Variants in CTNNA1 observed in about 807,000 individuals in gnomAD.
CTNNA1 encodes catenin alpha-1.
CTNNA1 carries 37 observed loss-of-function variants against 98.4 expected under a neutral mutation model. That is an observed-to-expected ratio of 0.38 (90% CI 0.29 to 0.49). The LOEUF is 0.49. Ranked by LOEUF, CTNNA1 falls within the 20% of genes least tolerant of loss-of-function variation. The pLI is 0.95. For synonymous variants in CTNNA1, 404 were observed against 413.2 expected, an observed-to-expected ratio of 0.98 and a Z score of 0.27; for missense variants, 761 against 1,147.2, an observed-to-expected ratio of 0.66 and a Z score of 4.86.
intron 11 of CTNNA1, among the ~76,000 whole-genome samples, chr5:138,919,693 C>A (rs1165550001): frequency 6.6e-6 from 1 of 152,180 alleles, no homozygotes; most frequent in Admixed American, 6.5e-5. Context: ...TGGAACAATT[C>A]TTTCAGTCAA....
chr5:138,778,873 A>C (rs901879299), intron 1 of CTNNA1, among the ~76,000 whole-genome samples: 2 of 151,908 alleles, frequency 1.3e-5, no homozygotes, highest in Admixed American at 6.6e-5. Flanking sequence ...TGAGGGATCT[A>C]GTTCAAAGTT....
intron 1 of CTNNA1, 29 bp from the exon 2 acceptor site, chr5:138,781,894 G>C: frequency 6.4e-7 from 1 of 1,560,740 alleles, no homozygotes; most frequent in Non-Finnish European, 8.6e-7. Context: ...TTTGATGTTT[G>C]CCTGACTGAC....
intron 11 of CTNNA1, 102 bp from the exon 12 acceptor site, chr5:138,924,408 T>C: frequency 8.6e-7 from 1 of 1,160,660 alleles, no homozygotes; most frequent in Non-Finnish European, 1.2e-6. Context: ...TTCAGCACTG[T>C]GGCTGGCACC....
intron 7 of CTNNA1, among the ~76,000 whole-genome samples, chr5:138,845,957 C>T (rs535936839): frequency 3.3e-5 from 5 of 151,822 alleles, no homozygotes; most frequent in East Asian, 1.9e-4. Flanking sequence ...GACAGATTCT[C>T]GCTGTCTGGC....
intron 10 of CTNNA1, among the ~76,000 whole-genome samples, chr5:138,910,239 T>C (rs1387968920): frequency 2.1e-5 from 3 of 144,772 alleles, no homozygotes; most frequent in Non-Finnish European, 4.5e-5. Context: ...TTTTTTTTTT[T>C]TTTTTTTTTT....
chr5:138,914,550 G>A (rs969750367), intron 10 of CTNNA1, among the ~76,000 whole-genome samples: 5 of 152,038 alleles, frequency 3.3e-5, no homozygotes, highest in African/African-American at 4.8e-5. Context: ...CCCTGTGCCT[G>A]TGAATCTATA....
intron 3 of CTNNA1, among the ~76,000 whole-genome samples, chr5:138,789,166 A>T (rs558417657): frequency 8.0e-6 from 1 of 125,550 alleles, no homozygotes; most frequent in East Asian, 2.6e-4. Flanking sequence ...TCTAGCACAT[A>T]GGAGGCTGTT....
chr5:138,837,008 C>T (rs1421012037), intron 7 of CTNNA1, among the ~76,000 whole-genome samples: 1 of 152,120 alleles, frequency 6.6e-6, no homozygotes, highest in Non-Finnish European at 1.5e-5. Flanking sequence ...TAATCATACA[C>T]CGTGTTCATT....
chr5:138,787,551 A>G (rs1033884915), intron 3 of CTNNA1, among the ~76,000 whole-genome samples: 1 of 152,258 alleles, frequency 6.6e-6, no homozygotes, highest in Non-Finnish European at 1.5e-5. Context: ...GAAAAATTAC[A>G]GGCTATAGTT....
At chr5:138,925,957 A>G (rs1763924725) in intron 13 of CTNNA1, among the ~76,000 whole-genome samples, 2 of 152,086 alleles carry the variant, frequency 1.3e-5, no homozygotes, top group South Asian at 4.1e-4. Context: ...CCTCTATGGC[A>G]TCTGTGATTG....
chr5:138,924,507 C>T lies in CTNNA1; in HGVS notation c.1547-3C>T, dbSNP rs1325130114. Reference sequence around the variant, plus strand: ...CTCATTCAACTTTTTGCTTGTTCTCCAGAGAATCACATTTTGGAAGATGTG... The same window carrying T: ...CTCATTCAACTTTTTGCTTGTTCTCTAGAGAATCACATTTTGGAAGATGTG... On this transcript the variant is annotated splice_region_variant and splice_polypyrimidine_tract_variant and intron_variant, in intron 11 of 17. Transcript: ENST00000302763. The T allele has an allele frequency of 6.8e-6, 11 of 1,613,984 alleles. No homozygotes were observed. The highest frequency in any genetic ancestry group is 1.7e-5 in the Admixed American group (1 of 60,000).
intron 4 of CTNNA1, among the ~76,000 whole-genome samples, chr5:138,810,556 C>A (rs966933708): frequency 7.2e-5 from 11 of 151,908 alleles, no homozygotes; most frequent in Non-Finnish European, 1.0e-4. Flanking sequence ...TTATTTTTTC[C>A]ATTTAACCCT....
At chr5:138,932,195 CTGCT>C (rs1373995638) in intron 16 of CTNNA1, 31 of 1,020,682 alleles carry the variant, frequency 3.0e-5, no homozygotes, top group Non-Finnish European at 3.5e-5. Context: ...AGCCAGGCTC[CTGCT>C]TGCTGAGCCG....
chr5:138,786,224 A>G (rs1035522120), intron 3 of CTNNA1, among the ~76,000 whole-genome samples: 1 of 152,202 alleles, frequency 6.6e-6, no homozygotes, highest in Non-Finnish European at 1.5e-5. Flanking sequence ...ACTTCCTCCC[A>G]TCATCATTAT....
chr5:138,781,473 G>A (rs966820847), intron 1 of CTNNA1, among the ~76,000 whole-genome samples: 1 of 151,678 alleles, frequency 6.6e-6, no homozygotes, highest in Non-Finnish European at 1.5e-5. Context: ...AGAGAATGGC[G>A]TGAACCCAGG....
At chr5:138,832,235 C>T (rs1761342169) in intron 7 of CTNNA1, among the ~76,000 whole-genome samples, 5 of 152,170 alleles carry the variant, frequency 3.3e-5, no homozygotes, top group Non-Finnish European at 7.3e-5. Context: ...AGTCTTGGCT[C>T]TACAACTAAC....
At position 138,810,136 on chromosome 5, in the gene CTNNA1, G is replaced by A. The variant is rs2149727326; in HGVS notation, c.400G>A (p.Ala134Thr). Residue 134 changes from alanine (A) to threonine (T), a missense_variant, in exon 4 of 18, where the codon GCT (alanine) becomes ACT (threonine). Around this residue, in one of 6 missense-constraint regions of CTNNA1, gnomAD observed 328 missense variants for 354.3 expected, o/e 0.93. Coordinates refer to ENST00000302763, the MANE Select transcript of CTNNA1 (RefSeq NM_001903.5). ...TCGGGCAGCTCGAGCTTTGCTCTCT[G>A]CTGTTACCCGGTTGCTGATTTTGGC... ...MVRAARALLS[A>T]VTRLLILADM... 1 of 1,614,148 alleles carries A rather than the reference G, an allele frequency of 6.2e-7. No individual in the cohort carries two copies. Among genetic ancestry groups the A allele is most frequent in the Non-Finnish European group, 8.5e-7 (1 of 1,180,026 alleles).
At chr5:138,929,132 G>T in intron 13 of CTNNA1, 114 bp from the exon 14 acceptor site, 1 of 767,204 alleles carries the variant, frequency 1.3e-6, no homozygotes. Context: ...TCAGAACACT[G>T]CACATTAAAA....
At chr5:138,787,563 G>A (rs1214643378) in intron 3 of CTNNA1, among the ~76,000 whole-genome samples, 8 of 152,210 alleles carry the variant, frequency 5.3e-5, no homozygotes, top group Admixed American at 5.2e-4. Flanking sequence ...GCTATAGTTT[G>A]CTAACCCTGA....
Sources: gnomAD v4.1 joint callset for allele counts (sites outside exome capture counted in the v4.1 genomes callset) on GRCh38, gnomAD v4.1.1 for gene constraint, gnomAD v4.1.1 regional missense constraint, MANE v1.5 for transcripts, NCBI Gene and HGNC (gene_info 2026-07-23, HGNC 2026-07-21) for gene names.